Variants in ANKRD50 observed in about 807,000 individuals in gnomAD.
ANKRD50 encodes ankyrin repeat domain 50, also known as ankyrin repeat domain-containing protein 50.
Under a neutral mutation model 112.0 loss-of-function variants are expected in ANKRD50, and 40 were observed. The observed-to-expected ratio is 0.36, with a 90% CI of 0.28 to 0.46. The LOEUF is 0.46. ANKRD50 is among the 20% of genes least tolerant of loss of function. The pLI is 1.00. For missense variants in ANKRD50, 1,487 were observed against 1,701.7 expected (o/e 0.87, Z 2.22); for synonymous variants, 613 against 619.1 (o/e 0.99, Z 0.15).
chr4:124,669,950 G>A lies in ANKRD50; in HGVS notation c.3327C>T (p.Ser1109=). ...GCTCCATTGTGTGAACAGGAGATGG[G>A]GAACAGCCATTCAAACTAGATGCAC... The part of the protein sequence containing the change: ...KYGASSLNGC[S]PSPVHTMEQK... The change falls in exon 4 of 5, where the codon TCC becomes TCT. Residue 1109 remains serine (S), a synonymous_variant. Transcript: ENST00000504087. 5.6e-6 allele frequency: 9 copies of A among 1,612,300 alleles called. No individual in the cohort carries two copies. The highest frequency in any genetic ancestry group is 7.6e-6 in the Non-Finnish European group (9 of 1,179,530).
intron 2 of ANKRD50, among the ~76,000 whole-genome samples, chr4:124,696,632 CA>C (rs1725258721): frequency 6.6e-6 from 1 of 151,836 alleles, no homozygotes; most frequent in South Asian, 2.1e-4. Flanking sequence ...GCATTATCTC[CA>C]AAGGAGCAAA....
chr4:124,687,964 C>CA, intron 2 of ANKRD50, among the ~76,000 whole-genome samples: 1 of 152,330 alleles, frequency 6.6e-6, no homozygotes, highest in Non-Finnish European at 1.5e-5. Flanking sequence ...ACACCTACTA[C>CA]ATGTCCTAGC....
Position 124,670,781 on chromosome 4 carries a change from A to C in ANKRD50, c.2496T>G (p.Thr832=), listed in dbSNP as rs558528506. Residue 832 remains threonine (T), a synonymous_variant, in exon 4 of 5, where the codon ACT becomes ACG. Transcript: ENST00000504087. The stretch of plus-strand genomic sequence containing the variant: ...TTTCATCTAACCCTCTATCCAGTAG[A>C]GTACGTACCACCTCAACATTTCCTT... ...SAQGNVEVVR[T]LLDRGLDENH... The C allele has an allele frequency of 6.2e-7, 1 of 1,613,888 alleles. No individual in the cohort carries two copies. Among genetic ancestry groups the C allele is most frequent in the African/African-American group, 1.3e-5 (1 of 75,014 alleles).
At chr4:124,704,302 C>T (rs549259297) in intron 2 of ANKRD50, among the ~76,000 whole-genome samples, 21 of 152,214 alleles carry the variant, frequency 1.4e-4, no homozygotes, top group Middle Eastern at 3.4e-3. Context: ...AGATTGATTA[C>T]GAATGTAATA....
chr4:124,707,455 T>C (rs1159985548), intron 2 of ANKRD50, among the ~76,000 whole-genome samples: 1 of 152,118 alleles, frequency 6.6e-6, no homozygotes, highest in African/African-American at 2.4e-5. Context: ...TAACTTTGAA[T>C]TGTGCTCTCA....
intron 3 of ANKRD50, among the ~76,000 whole-genome samples, chr4:124,673,243 A>C (rs1218147183): frequency 6.6e-6 from 1 of 152,116 alleles, no homozygotes; most frequent in Non-Finnish European, 1.5e-5. Flanking sequence ...AGTTCTTTAA[A>C]GGAAGCCATA....
intron 2 of ANKRD50, among the ~76,000 whole-genome samples, chr4:124,693,775 G>C (rs1206447393): frequency 1.3e-5 from 2 of 152,004 alleles, no homozygotes; most frequent in African/African-American, 4.8e-5. Context: ...TTACTACCTA[G>C]AAGGTAAACT....
intron 2 of ANKRD50, among the ~76,000 whole-genome samples, chr4:124,690,380 C>A (rs1335593498): frequency 6.6e-6 from 1 of 152,154 alleles, no homozygotes; most frequent in East Asian, 1.9e-4. Context: ...TAAGATTAAG[C>A]TGCATTATAT....
intron 2 of ANKRD50, among the ~76,000 whole-genome samples, chr4:124,679,572 C>T (rs1248265131): frequency 3.9e-5 from 6 of 152,104 alleles, no homozygotes; most frequent in African/African-American, 9.7e-5. Context: ...AAATACAACA[C>T]GCTCATTCAT....
intron 2 of ANKRD50, among the ~76,000 whole-genome samples, chr4:124,688,944 T>C (rs1211906212): frequency 2.6e-5 from 4 of 152,174 alleles, no homozygotes. Context: ...AGGTTTTTAT[T>C]ATCCTTTAGA....
intron 2 of ANKRD50, among the ~76,000 whole-genome samples, chr4:124,679,785 A>T (rs1031537005): frequency 6.6e-6 from 1 of 152,124 alleles, no homozygotes. Flanking sequence ...ATTTCTTTTT[A>T]AAAAATCTCA....
chr4:124,676,314 T>C (rs756966830), intron 3 of ANKRD50, among the ~76,000 whole-genome samples: 14 of 151,780 alleles, frequency 9.2e-5, no homozygotes, highest in African/African-American at 3.4e-4. Flanking sequence ...AATATGCTAT[T>C]ACAACCTAGA....
At chr4:124,689,173 C>T (rs72927432) in intron 2 of ANKRD50, among the ~76,000 whole-genome samples, 21 of 152,222 alleles carry the variant, frequency 1.4e-4, no homozygotes, top group African/African-American at 4.8e-4. Flanking sequence ...TATTCACCAC[C>T]GTATTTCCAG....
At chr4:124,691,498 CAAAA>C (rs71583369) in intron 2 of ANKRD50, among the ~76,000 whole-genome samples, 2 of 59,764 alleles carry the variant, frequency 3.3e-5, no homozygotes, top group African/African-American at 7.3e-5. Context: ...GACTCCGTCT[CAAAA>C]AAAAAAAAAA....
At chr4:124,711,796 T>A (rs1395079549) in intron 1 of ANKRD50, among the ~76,000 whole-genome samples, 1 of 151,702 alleles carries the variant, frequency 6.6e-6, no homozygotes, top group East Asian at 1.9e-4. Context: ...GGATGACTGT[T>A]CTTATAAGAA....
rs1486013727 is a variant in ANKRD50 at position 124,666,731 on chromosome 4, T to TA, written c.*786dup. ...CCTCAGGAATGATAGTCTGTCTTCT[T>TA]AGAGGTGGAATGACAAAGTGAATGG... is the stretch of plus-strand genomic sequence containing the variant. On this transcript the variant is annotated 3_prime_UTR_variant, in exon 5 of 5. Transcript: ENST00000504087. 1 of 152,346 alleles carries TA rather than the reference T, an allele frequency of 6.6e-6. No individual in the cohort carries two copies. The highest frequency in any genetic ancestry group is 2.4e-5 in the African/African-American group (1 of 41,394). 9.4% of individuals were successfully genotyped at this position (152,346 alleles called of 1,614,324 possible).
chr4:124,711,994 A>G (rs1725645857), intron 1 of ANKRD50, among the ~76,000 whole-genome samples: 1 of 152,056 alleles, frequency 6.6e-6, no homozygotes, highest in South Asian at 2.1e-4. Context: ...TCCGGCCTCC[A>G]GTTTCAGCTG....
chr4:124,687,236 C>T (rs1336336034), intron 2 of ANKRD50, among the ~76,000 whole-genome samples: 1 of 152,024 alleles, frequency 6.6e-6, no homozygotes, highest in Non-Finnish European at 1.5e-5. Flanking sequence ...AGAGGTAATT[C>T]AATTGAGAAA....
At chr4:124,701,921 A>G (rs2110526346) in intron 2 of ANKRD50, among the ~76,000 whole-genome samples, 1 of 152,332 alleles carries the variant, frequency 6.6e-6, no homozygotes, top group Non-Finnish European at 1.5e-5. Flanking sequence ...ATTTCTAAAA[A>G]CGAGACCTAA....
Sources: allele counts gnomAD v4.1 joint callset (sites outside exome capture counted in the v4.1 genomes callset), GRCh38; gene constraint gnomAD v4.1.1; transcripts MANE v1.5; gene names NCBI Gene and HGNC (gene_info 2026-07-23, HGNC 2026-07-21).